IGF2BP3: variants seen among roughly 807,000 people sequenced by gnomAD.
IGF2BP3 encodes insulin-like growth factor 2 mRNA-binding protein 3.
IGF2BP3 carries 9 observed loss-of-function variants against 73.8 expected under a neutral mutation model. That is an observed-to-expected ratio of 0.12 (90% CI 0.07 to 0.21). The LOEUF (loss-of-function observed/expected upper bound fraction) is 0.21. Ranked by LOEUF, IGF2BP3 falls within the 10% of genes least tolerant of loss-of-function variation. IGF2BP3 has a pLI of 1.00. For missense variants in IGF2BP3, 542 were observed against 714.0 expected (o/e 0.76, Z 2.75); for synonymous variants, 258 against 256.7 (o/e 1.01, Z -0.05).
chr7:23,324,371 G>A (rs1162366972), intron 10 of IGF2BP3, among the ~76,000 whole-genome samples: 1 of 151,734 alleles, frequency 6.6e-6, no homozygotes, highest in Non-Finnish European at 1.5e-5. Context: ...ACTAAGCCAG[G>A]AAGAAGTTGA....
In IGF2BP3 at chr7:23,312,118, T is replaced by G; in HGVS notation, c.*244A>C. The G allele has an allele frequency of 2.3e-5, 6 of 255,764 alleles. No homozygotes were observed. The highest frequency in any genetic ancestry group is 9.5e-5 in the East Asian group (1 of 10,480). 15.8% of individuals were successfully genotyped at this position (255,764 alleles called of 1,614,324 possible). ...TGCAGAGCTCTTCTCTTTCCCTCCC[T>G]CCCCCACCCTTTTTTTGTTTGTTTG... On this transcript the variant is annotated 3_prime_UTR_variant, in exon 15 of 15. Transcript: ENST00000258729.
At chr7:23,341,525 G>A (rs376927402) in intron 10 of IGF2BP3, among the ~76,000 whole-genome samples, 1 of 152,052 alleles carries the variant, frequency 6.6e-6, no homozygotes, top group East Asian at 1.9e-4. Context: ...AAAAGTAGCC[G>A]GGTGTGGTGT....
At chr7:23,317,774 C>A (rs887498420) in intron 11 of IGF2BP3, 61 bp from the exon 12 acceptor site, 4 of 1,325,406 alleles carry the variant, frequency 3.0e-6, no homozygotes, top group Non-Finnish European at 4.4e-6. Context: ...GCATCTTGGG[C>A]CAACCAGCCT....
Position 23,325,374 on chromosome 7 carries a change from C to A in IGF2BP3, c.1204-6120G>T, listed in dbSNP as rs574921219. ...GGAATCCAACTTACAAGGGATGTGA[C>A]GGACCTCTTCAAGGAGAACTACAAA... On this transcript the variant is annotated intron_variant, in intron 10 of 14. Coordinates refer to ENST00000258729, the MANE Select transcript of IGF2BP3 (RefSeq NM_006547.3). 8.8e-3 allele frequency among the ~76,000 whole-genome samples: 1,335 copies of A among 151,964 alleles called. 72 individuals are homozygous for A. Among genetic ancestry groups the A allele is most frequent in the Admixed American group, 0.075 (1,148 of 15,238 alleles).
At chr7:23,426,320 C>CAAAA (rs1195063330) in intron 2 of IGF2BP3, among the ~76,000 whole-genome samples, 2 of 46,126 alleles carry the variant, frequency 4.3e-5, no homozygotes, top group Non-Finnish European at 1.1e-4. Context: ...AATTCTGTCT[C>CAAAA]AAAAAAAAAA....
intron 10 of IGF2BP3, among the ~76,000 whole-genome samples, chr7:23,333,199 C>A (rs1784484928): frequency 6.6e-6 from 1 of 152,236 alleles, no homozygotes. Flanking sequence ...TTATACAAAT[C>A]TGGCTTTAAG....
At chr7:23,374,892 A>T (rs1785669343) in intron 3 of IGF2BP3, among the ~76,000 whole-genome samples, 1 of 152,132 alleles carries the variant, frequency 6.6e-6, no homozygotes, top group South Asian at 2.1e-4. Context: ...GTTCCGTGAT[A>T]AATGTCCATG....
At chr7:23,338,789 G>A (rs763088933) in intron 10 of IGF2BP3, among the ~76,000 whole-genome samples, 4 of 151,986 alleles carry the variant, frequency 2.6e-5, no homozygotes, top group African/African-American at 9.7e-5. Context: ...TTAAGGCAGG[G>A]AATAATTAAT....
At chr7:23,405,276 C>T (rs1307056425) in intron 3 of IGF2BP3, among the ~76,000 whole-genome samples, 2 of 152,170 alleles carry the variant, frequency 1.3e-5, no homozygotes, top group Admixed American at 1.3e-4. Flanking sequence ...TCAATAAGCA[C>T]ACCCACCTTG....
intron 5 of IGF2BP3, among the ~76,000 whole-genome samples, chr7:23,357,294 A>G (rs1785119759): frequency 6.7e-6 from 1 of 149,686 alleles, no homozygotes; most frequent in Non-Finnish European, 1.5e-5. Flanking sequence ...TTTTTTTGAG[A>G]CGGAGTTTTG....
rs563500932 is a variant in IGF2BP3 at position 23,346,774 on chromosome 7, G to A, written c.819-712C>T. Among the ~76,000 whole-genome samples, 13 of 152,022 alleles carry A rather than the reference G, an allele frequency of 8.6e-5. No homozygotes were observed. The East Asian group carries it at 2.5e-3, about 29-fold the overall frequency. Reference sequence around the variant, plus strand: ...CGCTCATCTAATTCTTGTATTTTCAGTAGAGACGGGGTTTCACCATGTTGG... The same window carrying A: ...CGCTCATCTAATTCTTGTATTTTCAATAGAGACGGGGTTTCACCATGTTGG... On this transcript the variant is annotated intron_variant, in intron 7 of 14. Coordinates refer to ENST00000258729, the MANE Select transcript of IGF2BP3 (RefSeq NM_006547.3).
intron 10 of IGF2BP3, among the ~76,000 whole-genome samples, chr7:23,338,108 C>CA (rs1784618776): frequency 6.6e-6 from 1 of 152,050 alleles, no homozygotes; most frequent in Non-Finnish European, 1.5e-5. Flanking sequence ...TAAAAACAGA[C>CA]ATAACGGCAA....
chr7:23,379,005 A>G (rs1785822323), intron 3 of IGF2BP3, among the ~76,000 whole-genome samples: 1 of 152,220 alleles, frequency 6.6e-6, no homozygotes, highest in South Asian at 2.1e-4. Context: ...TCATTGTGGC[A>G]TATTGAACAC....
rs117346250 is a variant in IGF2BP3 at position 23,395,471 on chromosome 7, A to G, written c.285+23305T>C. 3.8e-3 allele frequency among the ~76,000 whole-genome samples: 582 copies of G among 152,250 alleles called. 3 individuals carry two copies. Among genetic ancestry groups the G allele is most frequent in the Non-Finnish European group, 6.5e-3 (444 of 67,998 alleles). ...GTGATTTCTGCATCAATAAAACTCA[A>G]TGACCTCGGGCCAAGTGCAGTGGCT... On this transcript the variant is annotated intron_variant, in intron 3 of 14. Coordinates refer to ENST00000258729, the MANE Select transcript of IGF2BP3 (RefSeq NM_006547.3).
intron 5 of IGF2BP3, among the ~76,000 whole-genome samples, chr7:23,358,384 C>T (rs745807379): frequency 6.6e-6 from 1 of 152,104 alleles, no homozygotes. Context: ...GGGTGGCTAC[C>T]GAGAAACATG....
At chr7:23,328,023 T>A (rs934467966) in intron 10 of IGF2BP3, among the ~76,000 whole-genome samples, 2 of 152,076 alleles carry the variant, frequency 1.3e-5, no homozygotes, top group Non-Finnish European at 2.9e-5. Context: ...ATTTTAATCG[T>A]GTTTATTTAA....
At chr7:23,421,201 G>A (rs1302861477) in intron 2 of IGF2BP3, among the ~76,000 whole-genome samples, 5 of 151,910 alleles carry the variant, frequency 3.3e-5, no homozygotes, top group African/African-American at 1.2e-4. Flanking sequence ...GTAGAGACGG[G>A]GTTTCACCAT....
At chr7:23,384,016 A>T (rs1354673080) in intron 3 of IGF2BP3, among the ~76,000 whole-genome samples, 1 of 151,216 alleles carries the variant, frequency 6.6e-6, no homozygotes, top group Non-Finnish European at 1.5e-5. Flanking sequence ...CAATGGCATG[A>T]ACCTGGGAGG....
intron 3 of IGF2BP3, chr7:23,416,065 G>C (rs1787181360): frequency 6.6e-6 from 1 of 152,088 alleles, no homozygotes; most frequent in Non-Finnish European, 1.5e-5. Context: ...AACCCAATGA[G>C]GGGGCCACCA....
Sources: gnomAD v4.1 joint callset for allele counts (sites outside exome capture counted in the v4.1 genomes callset) on GRCh38, gnomAD v4.1.1 for gene constraint, MANE v1.5 for transcripts, NCBI Gene and HGNC (gene_info 2026-07-23, HGNC 2026-07-21) for gene names.